Variants in CCDC136 observed in about 807,000 individuals in gnomAD.
The protein encoded by CCDC136 is coiled-coil domain-containing protein 136.
In CCDC136, 100 loss-of-function variants were observed where a neutral mutation model predicts 141.2. The ratio of observed to expected loss-of-function variants is 0.71; its 90% confidence interval spans 0.60 to 0.84. The LOEUF (loss-of-function observed/expected upper bound fraction) is 0.84. Ranked by LOEUF, CCDC136 falls within the 40% of genes least tolerant of loss-of-function variation. The pLI is 0.00. For missense variants in CCDC136, 1,206 were observed against 1,379.4 expected (o/e 0.87, Z 1.99); for synonymous variants, 474 against 531.9 (o/e 0.89, Z 1.50).
chr7:128,794,791 G>C lies in CCDC136; in HGVS notation c.346+23G>C. On this transcript the variant is annotated intron_variant, in intron 3 of 17. Coordinates refer to ENST00000297788, the MANE Select transcript of CCDC136 (RefSeq NM_022742.5). The surrounding 1 kb of genome is among the most constrained non-coding windows in gnomAD (Gnocchi z 4.3). ...AAGGTAATTCCCAGGACTTGGACTG[G>C]AGGGAGGTGGCCATCCAAGTGGTCA... 1 of 1,545,604 alleles carries C rather than the reference G, an allele frequency of 6.5e-7. No homozygotes were observed. Among genetic ancestry groups the C allele is most frequent in the Non-Finnish European group, 8.8e-7 (1 of 1,141,754 alleles).
Position 128,806,384 on chromosome 7 carries a change from C to T in CCDC136, c.1237C>T (p.Gln413Ter). 6.2e-7 allele frequency: 1 copy of T among 1,602,086 alleles called. No individual in the cohort carries two copies. Among genetic ancestry groups the T allele is most frequent in the Non-Finnish European group, 8.5e-7 (1 of 1,173,018 alleles). ...CATGAAATCCACACTTGTAGAAAAC[C>T]AGAGTGAGAAGGTAACAGCAACCAG... ...KVMKSTLVEN[Q>*]SEKELLCRLQ... The change falls in exon 8 of 18, where the codon CAG (glutamine) becomes TAG (stop). Residue 413 changes from glutamine to a stop codon, truncating the protein, a stop_gained. Coordinates refer to ENST00000297788, the MANE Select transcript of CCDC136 (RefSeq NM_022742.5). LOFTEE classifies it high-confidence loss of function.
intron 14 of CCDC136, among the ~76,000 whole-genome samples, chr7:128,813,143 C>G (rs1806047784): frequency 6.6e-6 from 1 of 152,206 alleles, no homozygotes; most frequent in Non-Finnish European, 1.5e-5. Context: ...TGATTTCTCT[C>G]TTTCTCCCTT....
chr7:128,807,778 A>G (rs1431300280), intron 10 of CCDC136: 1 of 326,848 alleles, frequency 3.1e-6, no homozygotes, highest in Admixed American at 4.9e-5. Flanking sequence ...AACCCCTGAA[A>G]GTTTTACACA....
chr7:128,793,511 A>C (rs1802509303), intron 1 of CCDC136, among the ~76,000 whole-genome samples: 1 of 152,200 alleles, frequency 6.6e-6, no homozygotes, highest in South Asian at 2.1e-4. Context: ...CTCTACAATC[A>C]GATATTTTCT....
chr7:128,814,231 G>A (rs755112767), intron 14 of CCDC136, among the ~76,000 whole-genome samples: 1 of 151,750 alleles, frequency 6.6e-6, no homozygotes, highest in Non-Finnish European at 1.5e-5. Flanking sequence ...GACTACAGGC[G>A]CGCTCCAATA....
Position 128,801,359 on chromosome 7 carries a change from G to T in CCDC136, c.520G>T (p.Asp174Tyr), listed in dbSNP as rs201479027. The change falls in exon 4 of 18, where the codon GAT (aspartate) becomes TAT (tyrosine). Residue 174 changes from aspartate (D) to tyrosine (Y), a missense_variant. Coordinates refer to ENST00000297788, the MANE Select transcript of CCDC136 (RefSeq NM_022742.5). Reference protein sequence around the residue: ...HESDIASLQEDLCRMQNELED... With the variant: ...HESDIASLQEYLCRMQNELED... Reference sequence around the variant, plus strand: ...GAGTGACATAGCATCCCTGCAGGAGGATCTCTGCCGGATGCAGAATGAACT... The same window carrying T: ...GAGTGACATAGCATCCCTGCAGGAGTATCTCTGCCGGATGCAGAATGAACT... 8.2e-5 allele frequency: 132 copies of T among 1,613,402 alleles called. No homozygotes were observed. Among genetic ancestry groups the T allele is most frequent in the Non-Finnish European group, 1.1e-4 (126 of 1,179,662 alleles).
chr7:128,809,192 C>G (rs1474923199), intron 10 of CCDC136: 12 of 402,598 alleles, frequency 3.0e-5, no homozygotes, highest in Non-Finnish European at 5.2e-5. Flanking sequence ...TCAAACTGCC[C>G]CCAGAAAGGA....
At chr7:128,816,525 A>G (rs117702413) in intron 16 of CCDC136, among the ~76,000 whole-genome samples, 83 of 152,336 alleles carry the variant, frequency 5.4e-4, no homozygotes, top group Admixed American at 9.8e-4. Flanking sequence ...CAGTAGGAGC[A>G]TAGACTAGTC....
intron 3 of CCDC136, among the ~76,000 whole-genome samples, chr7:128,799,028 C>T (rs1562907442): frequency 6.6e-6 from 1 of 151,748 alleles, no homozygotes; most frequent in Non-Finnish European, 1.5e-5. Context: ...AGATTCTATT[C>T]TAATTTTTAA....
In CCDC136 at chr7:128,812,762, A is replaced by G. The variant is rs201564680; in HGVS notation, c.2596A>G (p.Met866Val). ...VLIKLQAVQA[M>V]YQISQEEHSQ... ...GATCAAGCTGCAGGCGGTGCAGGCC[A>G]TGTACCAGATAAGCCAGGAGGAACA... Residue 866 changes from methionine (M) to valine (V), a missense_variant, in exon 14 of 18, where the codon ATG (methionine) becomes GTG (valine). Coordinates refer to ENST00000297788, the MANE Select transcript of CCDC136 (RefSeq NM_022742.5). 153 of 1,613,500 alleles carry G rather than the reference A, an allele frequency of 9.5e-5. No homozygotes were observed. Among genetic ancestry groups the G allele is most frequent in the South Asian group, 2.2e-5 (2 of 91,038 alleles).
In CCDC136 at chr7:128,805,344, G is replaced by C. The variant is rs753662078; in HGVS notation, c.783-15G>C. On this transcript the variant is annotated splice_polypyrimidine_tract_variant and intron_variant, in intron 5 of 17. Transcript: ENST00000297788. This position sits in a 1 kb window ranked among gnomAD's most constrained non-coding sequence, Gnocchi z 4.6. ...GAACTCCCTTCAAGCATAGCTCTGC[G>C]GTTCTGAATTGCAGGACACAGAGAG... The C allele has an allele frequency of 3.7e-6, 6 of 1,612,662 alleles. No homozygotes were observed. Among genetic ancestry groups the C allele is most frequent in the Non-Finnish European group, 5.1e-6 (6 of 1,179,308 alleles).
intron 12 of CCDC136, 84 bp from the exon 13 acceptor site, chr7:128,811,716 C>T: frequency 1.5e-6 from 2 of 1,307,448 alleles, no homozygotes; most frequent in Non-Finnish European, 2.1e-6. Context: ...AAGGTGTGCT[C>T]TCAGACATCT....
At chr7:128,811,060 G>A (rs561591650) in intron 12 of CCDC136, among the ~76,000 whole-genome samples, 3 of 152,328 alleles carry the variant, frequency 2.0e-5, no homozygotes, top group Non-Finnish European at 2.9e-5. Flanking sequence ...AGGTCTCAGC[G>A]TGGGCAAGGA....
At chr7:128,803,438 C>G (rs62479609) in intron 4 of CCDC136, among the ~76,000 whole-genome samples, 18,887 of 151,922 alleles carry the variant, frequency 0.12, 1,242 homozygotes, top group East Asian at 0.19. Context: ...ATCACTTGAG[C>G]CCAGGAATTT....
At chr7:128,820,393 G>A (rs1049567542) in intron 17 of CCDC136, among the ~76,000 whole-genome samples, 4 of 152,166 alleles carry the variant, frequency 2.6e-5, no homozygotes, top group Non-Finnish European at 5.9e-5. Flanking sequence ...AGTTTGACAC[G>A]ACTTCCCCTT....
chr7:128,815,966 T>G (rs1304497877), intron 16 of CCDC136, 35 bp downstream of exon 16: 2 of 1,575,768 alleles, frequency 1.3e-6, no homozygotes, highest in Non-Finnish European at 1.7e-6. Context: ...AAGTGGGAAG[T>G]GGGGTCTTGG....
intron 17 of CCDC136, among the ~76,000 whole-genome samples, chr7:128,819,788 C>T (rs1807188735): frequency 6.6e-6 from 1 of 152,122 alleles, no homozygotes; most frequent in African/African-American, 2.4e-5. Context: ...CCTTTATTGT[C>T]TCTCCTCATT....
At chr7:128,806,591 G>T in intron 8 of CCDC136, 97 bp from the exon 9 acceptor site, 1 of 1,267,992 alleles carries the variant, frequency 7.9e-7, no homozygotes, top group Non-Finnish European at 1.1e-6. Flanking sequence ...GCAGGAAGAA[G>T]CAAATCTTAG....
intron 10 of CCDC136, chr7:128,809,000 G>GA: frequency 2.0e-6 from 2 of 981,090 alleles, no homozygotes; most frequent in Non-Finnish European, 2.4e-6. Context: ...GCAAAAATGG[G>GA]AAAAATTAGG....
Sources: gnomAD v4.1 joint callset for allele counts (sites outside exome capture counted in the v4.1 genomes callset) on GRCh38, gnomAD v4.1.1 for gene constraint, Gnocchi (gnomAD v3.1) non-coding constraint, MANE v1.5 for transcripts, NCBI Gene and HGNC (gene_info 2026-07-23, HGNC 2026-07-21) for gene names.